The following TENM3 variants were observed in gnomAD, a reference collection of about 807,000 sequenced individuals.
TENM3 encodes teneurin-3.
In TENM3, 63 loss-of-function variants were observed where a neutral mutation model predicts 255.1. The ratio of observed to expected loss-of-function variants is 0.25; its 90% CI spans 0.20 to 0.30. TENM3 has a LOEUF of 0.30. TENM3 is among the 10% of genes least tolerant of loss of function. The probability of loss-of-function intolerance (pLI) is 1.00; values close to 1 mark genes in which losing one functional copy is unlikely to be tolerated. For synonymous variants in TENM3, 1,306 were observed against 1,322.3 expected (o/e 0.99, Z 0.27); for missense variants, 2,929 against 3,461.1 (o/e 0.85, Z 3.86).
At chr4:182,262,774 C>G (rs1199016145) in intron 1 of TENM3, among the ~76,000 whole-genome samples, 1 of 145,478 alleles carries the variant, frequency 6.9e-6, no homozygotes, top group Non-Finnish European at 1.5e-5. Context: ...AATGCAGTGG[C>G]CTGATCTCAG....
intron 1 of TENM3, among the ~76,000 whole-genome samples, chr4:182,164,568 C>G (rs1341608493): frequency 6.6e-6 from 1 of 152,138 alleles, no homozygotes; most frequent in Non-Finnish European, 1.5e-5. Flanking sequence ...TTTAAGAACG[C>G]AAAGAGGATC....
chr4:182,090,258 G>T, the TENM3 span, among the ~76,000 whole-genome samples: 1 of 152,180 alleles, frequency 6.6e-6, no homozygotes, highest in East Asian at 1.9e-4. Flanking sequence ...CTGGGAACAT[G>T]CAAGGCTGTG....
the TENM3 span, among the ~76,000 whole-genome samples, chr4:181,964,407 C>G: frequency 6.6e-6 from 1 of 152,252 alleles, no homozygotes; most frequent in East Asian, 1.9e-4. Context: ...TCAGATGACT[C>G]TAGCCTGAAT....
chr4:181,765,779 G>T, the TENM3 span, among the ~76,000 whole-genome samples: 6 of 152,186 alleles, frequency 3.9e-5, no homozygotes, highest in African/African-American at 9.7e-5. Context: ...CAGTACAGCT[G>T]CAATCTTGGA....
At position 182,801,440 on chromosome 4, in the gene TENM3, G is replaced by GA. The variant is rs1263348724; in HGVS notation, c.*1095dup. ...TGGTGGAATGTAAGGGAAGAAGATT[G>GA]AAAAAACGGGAGGAAGGGTTCTCTG... On this transcript the variant is annotated 3_prime_UTR_variant, in exon 28 of 28. Coordinates refer to ENST00000511685, the MANE Select transcript of TENM3 (RefSeq NM_001080477.4). The GA allele has an allele frequency of 3.3e-5, 5 of 151,958 alleles. No homozygotes were observed. The highest frequency in any genetic ancestry group is 2.1e-4 in the South Asian group (1 of 4,826). 9.4% of individuals were successfully genotyped at this position (151,958 alleles called of 1,614,324 possible). A position where few individuals can be genotyped will look rare whatever the true frequency, so the allele number is the denominator to read the frequency against.
the TENM3 span, among the ~76,000 whole-genome samples, chr4:181,921,540 G>A: frequency 2.0e-5 from 3 of 152,150 alleles, no homozygotes; most frequent in Non-Finnish European, 4.4e-5. Context: ...CTGTTTGTCT[G>A]TTATTGGTGT....
the TENM3 span, among the ~76,000 whole-genome samples, chr4:182,002,349 T>C: frequency 6.6e-6 from 1 of 152,074 alleles, no homozygotes; most frequent in African/African-American, 2.4e-5. Flanking sequence ...AGCTTCTCCC[T>C]TTAGGTGATT....
the TENM3 span, among the ~76,000 whole-genome samples, chr4:181,702,487 CA>C: frequency 9.9e-5 from 15 of 152,084 alleles, no homozygotes; most frequent in African/African-American, 3.4e-4. Context: ...GTACTTAGTA[CA>C]GGGGAAAACC....
the TENM3 span, among the ~76,000 whole-genome samples, chr4:181,647,562 A>G: frequency 1.3e-5 from 2 of 152,156 alleles, no homozygotes; most frequent in Admixed American, 6.6e-5. Context: ...TTTGTCGCTC[A>G]TTTCACAAAC....
chr4:182,629,404 A>G (rs779888013), intron 5 of TENM3, among the ~76,000 whole-genome samples: 7 of 152,136 alleles, frequency 4.6e-5, no homozygotes, highest in Non-Finnish European at 5.9e-5. Flanking sequence ...TTATATACTC[A>G]TTCATATATG....
intron 3 of TENM3, among the ~76,000 whole-genome samples, chr4:182,380,032 G>C (rs1479922041): frequency 1.3e-5 from 2 of 152,148 alleles, no homozygotes; most frequent in Non-Finnish European, 2.9e-5. Context: ...ACTTTGGGAG[G>C]CCAAGGCGGG....
intron 1 of TENM3, among the ~76,000 whole-genome samples, chr4:182,258,961 T>G (rs1758609798): frequency 6.6e-6 from 1 of 152,222 alleles, no homozygotes; most frequent in Non-Finnish European, 1.5e-5. Flanking sequence ...TGCTGTGCTT[T>G]GGTTGGTTTT....
chr4:181,533,356 C>T, the TENM3 span, among the ~76,000 whole-genome samples: 8 of 152,216 alleles, frequency 5.3e-5, no homozygotes, highest in Admixed American at 5.2e-4. Flanking sequence ...AGAGTTCACT[C>T]ATTCATGCAC....
chr4:182,208,229 TG>T (rs2149871144), intron 1 of TENM3, among the ~76,000 whole-genome samples: 1 of 152,344 alleles, frequency 6.6e-6, no homozygotes, highest in South Asian at 2.1e-4. Context: ...TAAAAAGCAC[TG>T]GGTAATCACC....
intron 3 of TENM3, among the ~76,000 whole-genome samples, chr4:182,402,823 A>G (rs1047989109): frequency 1.3e-5 from 2 of 152,218 alleles, no homozygotes; most frequent in Admixed American, 1.3e-4. Context: ...GTTGGAATAT[A>G]ATTTCAAAGA....
At chr4:182,785,315 G>C (rs959938692) in intron 24 of TENM3, among the ~76,000 whole-genome samples, 3 of 151,804 alleles carry the variant, frequency 2.0e-5, no homozygotes, top group African/African-American at 7.3e-5. Context: ...TAAGTGATCT[G>C]CCTGCCTCAG....
the TENM3 span, among the ~76,000 whole-genome samples, chr4:181,960,079 G>A: frequency 2.0e-5 from 3 of 152,234 alleles, no homozygotes; most frequent in Middle Eastern, 3.4e-3. Context: ...GAAGCAAAGT[G>A]TATATTTAAG....
chr4:182,680,540 C>T lies in TENM3; in HGVS notation c.1640-3C>T, dbSNP rs1756085459. 6.2e-7 allele frequency: 1 copy of T among 1,611,350 alleles called. No individual in the cohort carries two copies. Among genetic ancestry groups the T allele is most frequent in the Non-Finnish European group, 8.5e-7 (1 of 1,179,326 alleles). On this transcript the variant is annotated splice_region_variant and splice_polypyrimidine_tract_variant and intron_variant, in intron 9 of 27. Transcript: ENST00000511685. ...AATTCTTCTGTCGTGTCTTGTTTCA[C>T]AGCCGCCTGTCCAGTGTTATGTAGT...
the TENM3 span, among the ~76,000 whole-genome samples, chr4:181,877,806 CATA>C: frequency 2.0e-5 from 3 of 152,146 alleles, no homozygotes; most frequent in African/African-American, 7.2e-5. Context: ...TTTGCTTATA[CATA>C]ACCAGTGGCC....
Sources: gnomAD v4.1 joint callset for allele counts (sites outside exome capture counted in the v4.1 genomes callset) on GRCh38, gnomAD v4.1.1 for gene constraint, MANE v1.5 for transcripts, NCBI Gene and HGNC (gene_info 2026-07-23, HGNC 2026-07-21) for gene names.